Variants in PVT1 observed in about 807,000 individuals in gnomAD.
PVT1 encodes CXCR4/PVT1 fusion.
At chr8:127,981,446 C>T (rs1816882352) in intron 3 of PVT1, among the ~76,000 whole-genome samples, 1 of 152,230 alleles carries the variant, frequency 6.6e-6, no homozygotes, top group South Asian at 2.1e-4. Context: ...TGGTGTTTAT[C>T]TGCACAAGTC....
At chr8:127,923,163 A>G (rs113377156) in intron 3 of PVT1, among the ~76,000 whole-genome samples, 2,726 of 152,358 alleles carry the variant, frequency 0.018, 34 homozygotes, top group Non-Finnish European at 0.029. Flanking sequence ...GTCACAGACA[A>G]GTGAGGTTTA....
intron 2 of PVT1, among the ~76,000 whole-genome samples, chr8:127,867,133 G>T (rs1815293905): frequency 6.6e-6 from 1 of 152,258 alleles, no homozygotes; most frequent in African/African-American, 2.4e-5. Context: ...CCTGCCTGCG[G>T]CCTTCCTCGG....
chr8:127,991,136 CTTTCTT>C lies in PVT1; in HGVS notation n.912+1849_912+1854del, dbSNP rs1563659321. 1.2e-4 allele frequency among the ~76,000 whole-genome samples: 16 copies of C among 136,388 alleles called. 1 individual carries two copies. The highest frequency in any genetic ancestry group is 1.7e-4 in the Non-Finnish European group (11 of 64,424). 89.5% of individuals were successfully genotyped at this position (136,388 alleles called of 152,430 possible). ...CCTACGTAGCTCTTTTTTTTCTTTTCTTTCTTTTTTTTTTTTTTTTTTTTGAGACGG... is the reference window on the plus strand; with the variant it reads ...CCTACGTAGCTCTTTTTTTTCTTTTCTTTTTTTTTTTTTTTTTTGAGACGG... On this transcript the variant is annotated intron_variant and non_coding_transcript_variant, in intron 4 of 10. Coordinates refer to ENST00000651587, the Ensembl canonical transcript of PVT1.
intron 2 of PVT1, among the ~76,000 whole-genome samples, chr8:127,881,423 A>ATTG (rs1815465398): frequency 7.4e-6 from 1 of 136,024 alleles, no homozygotes; most frequent in African/African-American, 2.8e-5. Context: ...TATTATTAAT[A>ATTG]TTATTGTTAT....
chr8:127,984,874 TTTCTTTC>T (rs2129986961), intron 3 of PVT1, among the ~76,000 whole-genome samples: 1 of 82,446 alleles, frequency 1.2e-5, no homozygotes, highest in African/African-American at 4.2e-5. Context: ...TCTTTCTTTC[TTTCTTTC>T]TTTCTTTCTT....
intron 4 of PVT1, among the ~76,000 whole-genome samples, chr8:127,997,886 A>G (rs953778369): frequency 2.6e-5 from 4 of 152,230 alleles, no homozygotes; most frequent in Non-Finnish European, 5.9e-5. Context: ...CCGCTTTCTC[A>G]GACTCTCCTG....
chr8:128,036,007 T>C (rs1586491265), intron 4 of PVT1, among the ~76,000 whole-genome samples: 1 of 152,324 alleles, frequency 6.6e-6, no homozygotes, highest in East Asian at 1.9e-4. Flanking sequence ...CTGCCAAGTT[T>C]GCGATGATTT....
intron 5 of PVT1, among the ~76,000 whole-genome samples, chr8:128,083,430 G>C (rs77846420): frequency 0.026 from 3,948 of 152,260 alleles, 171 homozygotes; most frequent in African/African-American, 0.09. Flanking sequence ...GGCTCATAGA[G>C]CATGAAACTC....
chr8:128,047,755 A>T (rs984267214), intron 4 of PVT1, among the ~76,000 whole-genome samples: 2 of 152,198 alleles, frequency 1.3e-5, no homozygotes, highest in Non-Finnish European at 2.9e-5. Flanking sequence ...ACAGCTGTTT[A>T]AAAAATTAGT....
At position 127,898,879 on chromosome 8, in the gene PVT1, G is replaced by A. The variant is rs183552292; in HGVS notation, n.782+7881G>A. Among the ~76,000 whole-genome samples, 442 of 152,272 alleles carry A rather than the reference G, an allele frequency of 2.9e-3. 14 individuals carry two copies. Among genetic ancestry groups the A allele is most frequent in the Admixed American group, 0.027 (416 of 15,292 alleles). On this transcript the variant is annotated intron_variant and non_coding_transcript_variant, in intron 3 of 10. Coordinates refer to ENST00000651587, the Ensembl canonical transcript of PVT1. The surrounding 1 kb of genome is among the most constrained non-coding windows in gnomAD (Gnocchi z 4.4). ...CCCTTTATCACTCCACAAGGGGTGGGGGTACTGGACAGAAAGAGTGTGTCC... is the reference window on the plus strand; with the variant it reads ...CCCTTTATCACTCCACAAGGGGTGGAGGTACTGGACAGAAAGAGTGTGTCC...
rs568245336 is a variant in PVT1, at chr8:128,024,205, G to A, written n.912+34914G>A. Among the ~76,000 whole-genome samples the A allele has an allele frequency of 3.9e-5, 6 of 152,296 alleles. No homozygotes were observed. In the East Asian group the frequency reaches 1.2e-3, roughly 29 times the overall value. Reference sequence around the variant, plus strand: ...CTGTGAATGGAAGTGGCCTGCCGAAGGCTACACGGCAGTGAGTGTAACCAG... The same window carrying A: ...CTGTGAATGGAAGTGGCCTGCCGAAAGCTACACGGCAGTGAGTGTAACCAG... On this transcript the variant is annotated intron_variant and non_coding_transcript_variant, in intron 4 of 10. Coordinates refer to ENST00000651587, the Ensembl canonical transcript of PVT1.
At chr8:127,877,800 C>T (rs573258761) in intron 2 of PVT1, among the ~76,000 whole-genome samples, 32 of 152,224 alleles carry the variant, frequency 2.1e-4, no homozygotes, top group Non-Finnish European at 3.4e-4. Flanking sequence ...GTGGCTCGCA[C>T]CCGTAGTCCC....
intron 3 of PVT1, among the ~76,000 whole-genome samples, chr8:127,962,919 T>C (rs538566896): frequency 3.5e-4 from 53 of 152,196 alleles, no homozygotes; most frequent in African/African-American, 1.2e-3. Flanking sequence ...AGGGTCCCTG[T>C]TTTACAAAGG....
chr8:127,914,815 GTT>G (rs1181623236), intron 3 of PVT1, among the ~76,000 whole-genome samples: 12 of 130,780 alleles, frequency 9.2e-5, no homozygotes, highest in Non-Finnish European at 1.1e-4. Flanking sequence ...GTTGTTGTTG[GTT>G]TTTTTTTTTT....
Position 127,989,867 on chromosome 8 carries a change from A to T in PVT1, n.912+576A>T, listed in dbSNP as rs544177931. 4.6e-5 allele frequency among the ~76,000 whole-genome samples: 7 copies of T among 152,254 alleles called. No individual in the cohort carries two copies. In the East Asian group the frequency reaches 1.2e-3, roughly 25 times the overall value. On this transcript the variant is annotated intron_variant and non_coding_transcript_variant, in intron 4 of 10. Transcript: ENST00000651587. The stretch of plus-strand genomic sequence containing the variant: ...TTGCCTCATTTTGGACAAGTCACTC[A>T]GCCTCTCAAAGCCTTGGTCTCCTCA...
chr8:128,005,455 C>G (rs1817235576), intron 4 of PVT1, among the ~76,000 whole-genome samples: 1 of 152,178 alleles, frequency 6.6e-6, no homozygotes, highest in African/African-American at 2.4e-5. Flanking sequence ...TAGGTCATTT[C>G]TAAATAGCAA....
At position 128,089,676 on chromosome 8, in the gene PVT1, T is replaced by C. The variant is rs193222594; in HGVS notation, n.1115-6842T>C. On this transcript the variant is annotated intron_variant and non_coding_transcript_variant, in intron 5 of 10. Transcript: ENST00000651587. ...TACGCATAGCAGGGTGTGGGGGGGG[T>C]CATAATTGGAAAAGTATGTTGAGAT... Among the ~76,000 whole-genome samples, 4 of 151,758 alleles carry C rather than the reference T, an allele frequency of 2.6e-5. No individual in the cohort carries two copies. The East Asian group carries it at 7.7e-4, about 29-fold the overall frequency.
chr8:128,100,624 C>G (rs1352484801), intron 6 of PVT1, among the ~76,000 whole-genome samples: 1 of 152,230 alleles, frequency 6.6e-6, no homozygotes, highest in East Asian at 1.9e-4. Flanking sequence ...GTCATCCCCT[C>G]TCTCATCCAT....
intron 3 of PVT1, among the ~76,000 whole-genome samples, chr8:127,930,410 C>T (rs1403467809): frequency 7.2e-5 from 11 of 152,186 alleles, no homozygotes; most frequent in African/African-American, 9.7e-5. Context: ...CCAACCACCT[C>T]GGCCTCCCAA....
Sources: allele counts gnomAD v4.1 joint callset (sites outside exome capture counted in the v4.1 genomes callset), GRCh38; gene constraint gnomAD v4.1.1; non-coding constraint Gnocchi (gnomAD v3.1); transcripts MANE v1.5; gene names NCBI Gene and HGNC (gene_info 2026-07-23, HGNC 2026-07-21).